Variants in ADCY2 observed in about 807,000 individuals in gnomAD.
The protein encoded by ADCY2 is adenylate cyclase type 2.
ADCY2 carries 31 observed loss-of-function variants against 125.2 expected under a neutral mutation model. That is an observed-to-expected ratio of 0.25 (90% CI 0.19 to 0.33). The LOEUF (loss-of-function observed/expected upper bound fraction) is 0.33. Among genes scored for constraint, ADCY2 ranks in the 10% least tolerant of loss-of-function variants. The probability of loss-of-function intolerance (pLI) is 1.00; values close to 1 mark genes in which losing one functional copy is unlikely to be tolerated. For missense variants in ADCY2, 904 were observed against 1,418.2 expected, an observed-to-expected ratio of 0.64 and a Z score of 5.82; for synonymous variants, 512 against 548.4, an observed-to-expected ratio of 0.93 and a Z score of 0.93.
chr5:7,648,751 A>T (rs1337985863), intron 4 of ADCY2, among the ~76,000 whole-genome samples: 1 of 152,236 alleles, frequency 6.6e-6, no homozygotes, highest in African/African-American at 2.4e-5. Flanking sequence ...TATGATTTTG[A>T]TAAGCAAAAA....
In ADCY2 at chr5:7,717,017, G is replaced by A. The variant is rs77056625; in HGVS notation, c.1623-140G>A. On this transcript the variant is annotated intron_variant, in intron 11 of 24. Coordinates refer to ENST00000338316, the MANE Select transcript of ADCY2 (RefSeq NM_020546.3). ...AGATAATGGATTCCCTAAATACCCC[G>A]ATTGATCATTGCACATGCATGCAAC... 3,272 of 574,020 alleles carry A rather than the reference G, an allele frequency of 5.7e-3. 21 individuals are homozygous for A. Among genetic ancestry groups the A allele is most frequent in the Non-Finnish European group, 8.3e-3 (2,653 of 318,306 alleles). 35.6% of individuals were successfully genotyped at this position (574,020 alleles called of 1,614,324 possible).
At chr5:7,788,659 AT>A in intron 19 of ADCY2, among the ~76,000 whole-genome samples, 1 of 152,304 alleles carries the variant, frequency 6.6e-6, no homozygotes, top group East Asian at 1.9e-4. Flanking sequence ...TGGATTTTAA[AT>A]TTTTTTAATT....
chr5:7,444,527 T>C (rs1290461667), intron 2 of ADCY2, among the ~76,000 whole-genome samples: 1 of 152,136 alleles, frequency 6.6e-6, no homozygotes, highest in African/African-American at 2.4e-5. Context: ...CATTTCACTG[T>C]TTATCTTAAT....
rs141891620 is a variant in ADCY2, at chr5:7,693,611, T to C, written c.870-2141T>C. Among the ~76,000 whole-genome samples the C allele has an allele frequency of 3.6e-3, 554 of 152,132 alleles. 6 individuals carry two copies. Among genetic ancestry groups the C allele is most frequent in the African/African-American group, 0.013 (523 of 41,534 alleles). On this transcript the variant is annotated intron_variant, in intron 5 of 24. Transcript: ENST00000338316. ...GTTTTTTTGTAATTTTTAGTAGAGA[T>C]GGGGGTTCGCCATGTTGGCCAGGCT...
At chr5:7,748,557 CACACACAA>C (rs879732921) in intron 15 of ADCY2, among the ~76,000 whole-genome samples, 57 of 150,050 alleles carry the variant, frequency 3.8e-4, no homozygotes, top group Non-Finnish European at 6.9e-4. Flanking sequence ...CACACACACA[CACACACAA>C]AATGCTGAAG....
At chr5:7,531,778 A>G (rs747175253) in intron 3 of ADCY2, among the ~76,000 whole-genome samples, 3 of 152,194 alleles carry the variant, frequency 2.0e-5, no homozygotes, top group Non-Finnish European at 4.4e-5. Context: ...AGATGATCTC[A>G]TTGCAGCATA....
intron 2 of ADCY2, among the ~76,000 whole-genome samples, chr5:7,433,030 A>T (rs1235571818): frequency 6.6e-6 from 1 of 151,038 alleles, no homozygotes; most frequent in Non-Finnish European, 1.5e-5. Flanking sequence ...CAAACTATTA[A>T]CACTTGTCTT....
At chr5:7,402,531 C>T (rs756918258) in intron 1 of ADCY2, among the ~76,000 whole-genome samples, 5 of 152,180 alleles carry the variant, frequency 3.3e-5, no homozygotes, top group Non-Finnish European at 4.4e-5. Flanking sequence ...AAACCTCAAC[C>T]GAAAAAACCA....
intron 3 of ADCY2, among the ~76,000 whole-genome samples, chr5:7,613,509 C>A (rs1016449726): frequency 6.6e-6 from 1 of 152,202 alleles, no homozygotes; most frequent in Non-Finnish European, 1.5e-5. Flanking sequence ...GTCCCCAGGT[C>A]ACCTGCATTT....
Position 7,709,120 on chromosome 5 carries a change from G to A in ADCY2, c.1402-91G>A. ...GAGGGCGAATAGAGGGCTGTCAGGA[G>A]GAATGACCCTAGTCCAATGAGGTCG... is the stretch of plus-strand genomic sequence containing the variant. On this transcript the variant is annotated intron_variant, in intron 9 of 24. Coordinates refer to ENST00000338316, the MANE Select transcript of ADCY2 (RefSeq NM_020546.3). This position sits in a 1 kb window ranked among gnomAD's most constrained non-coding sequence, Gnocchi z 4.4. 1 of 1,298,024 alleles carries A rather than the reference G, an allele frequency of 7.7e-7. No individual in the cohort carries two copies. The highest frequency in any genetic ancestry group is 1.0e-6 in the Non-Finnish European group (1 of 980,360). 80.4% of individuals were successfully genotyped at this position (1,298,024 alleles called of 1,614,324 possible).
chr5:7,593,190 A>C (rs1736903773), intron 3 of ADCY2, among the ~76,000 whole-genome samples: 1 of 152,150 alleles, frequency 6.6e-6, no homozygotes, highest in Non-Finnish European at 1.5e-5. Context: ...AATTTGAACA[A>C]AAATTCTGGG....
chr5:7,772,973 C>G lies in ADCY2; in HGVS notation c.2256C>G (p.Ser752=), dbSNP rs373885666. The G allele has an allele frequency of 3.1e-6, 5 of 1,613,982 alleles. No homozygotes were observed. The highest frequency in any genetic ancestry group is 1.7e-5 in the Admixed American group (1 of 59,992). The change falls in exon 18 of 25, where the codon TCC becomes TCG. Residue 752 remains serine (S), a synonymous_variant. Transcript: ENST00000338316. ...YSCILGLISC[S]VFLRVNYELK... ...GCATTCTGGGACTGATATCCTGTTC[C>G]GTGTTCCTGCGGGTAAACTATGAGC...
intron 2 of ADCY2, among the ~76,000 whole-genome samples, chr5:7,475,768 G>A (rs1579481503): frequency 6.6e-6 from 1 of 152,220 alleles, no homozygotes. Context: ...CCAGGCTTTG[G>A]AGGAGGGCAG....
chr5:7,470,612 A>G (rs1472857796), intron 2 of ADCY2, among the ~76,000 whole-genome samples: 7 of 145,490 alleles, frequency 4.8e-5, no homozygotes, highest in African/African-American at 1.8e-4. Flanking sequence ...ATTTATATAT[A>G]GTTTTAAAAA....
intron 4 of ADCY2, among the ~76,000 whole-genome samples, chr5:7,688,692 C>A (rs1212785399): frequency 6.6e-6 from 1 of 152,136 alleles, no homozygotes; most frequent in African/African-American, 2.4e-5. Context: ...CCCAATTATT[C>A]CATCTATTAA....
intron 4 of ADCY2, among the ~76,000 whole-genome samples, chr5:7,631,725 G>C (rs888742779): frequency 6.6e-6 from 1 of 152,204 alleles, no homozygotes; most frequent in Non-Finnish European, 1.5e-5. Flanking sequence ...ACCATGCTGA[G>C]GCATGGGGAG....
chr5:7,636,601 G>A (rs1738513208), intron 4 of ADCY2, among the ~76,000 whole-genome samples: 2 of 152,292 alleles, frequency 1.3e-5, no homozygotes, highest in Middle Eastern at 3.4e-3. Context: ...ATTAGGCTTT[G>A]CATGAGTAAG....
chr5:7,455,937 C>T (rs1294070168), intron 2 of ADCY2, among the ~76,000 whole-genome samples: 1 of 148,574 alleles, frequency 6.7e-6, no homozygotes, highest in African/African-American at 2.4e-5. Context: ...ATTAGGAAAG[C>T]ATAGTAGGAA....
chr5:7,507,034 G>A (rs1358584786), intron 2 of ADCY2, among the ~76,000 whole-genome samples: 1 of 149,956 alleles, frequency 6.7e-6, no homozygotes, highest in East Asian at 2.0e-4. Flanking sequence ...TGATCCACCC[G>A]CCTTGTTCTT....
Sources: gnomAD v4.1 joint callset for allele counts (sites outside exome capture counted in the v4.1 genomes callset) on GRCh38, gnomAD v4.1.1 for gene constraint, Gnocchi (gnomAD v3.1) non-coding constraint, MANE v1.5 for transcripts, NCBI Gene and HGNC (gene_info 2026-07-23, HGNC 2026-07-21) for gene names.